The following EYS variants were observed in gnomAD, a reference collection of about 807,000 sequenced individuals.
EYS encodes the protein EGF-like photoreceptor maintenance factor.
A neutral mutation model predicts 282.1 loss-of-function variants in EYS; 250 were observed. That is an observed-to-expected ratio of 0.89 (90% confidence interval 0.80 to 0.98). The LOEUF is 0.98. Ranked by LOEUF, EYS falls within the 50% of genes least tolerant of loss-of-function variation. The probability of loss-of-function intolerance (pLI) is 0.00; values close to 1 mark genes in which losing one functional copy is unlikely to be tolerated. For missense variants in EYS, 4,016 were observed against 3,709.0 expected (o/e 1.08, Z -2.15); for synonymous variants, 1,355 against 1,282.9 (o/e 1.06, Z -1.20).
At chr6:63,797,144 C>A (rs901356871) in intron 37 of EYS, 1 of 152,064 alleles carries the variant, frequency 6.6e-6, no homozygotes, top group South Asian at 2.1e-4. Flanking sequence ...AATGATTCTG[C>A]GACAGAGACA....
chr6:64,492,411 T>C (rs960207961), intron 26 of EYS, among the ~76,000 whole-genome samples: 1 of 151,214 alleles, frequency 6.6e-6, no homozygotes, highest in Non-Finnish European at 1.5e-5. Context: ...GATTAAAATA[T>C]GCCCCTTTGC....
intron 5 of EYS, among the ~76,000 whole-genome samples, chr6:65,436,655 A>G (rs1296166166): frequency 6.6e-6 from 1 of 152,240 alleles, no homozygotes; most frequent in Middle Eastern, 3.4e-3. Context: ...CATAGTGACA[A>G]TCTTTCAGAA....
At chr6:65,048,695 G>A (rs1490589531) in intron 13 of EYS, among the ~76,000 whole-genome samples, 1 of 151,844 alleles carries the variant, frequency 6.6e-6, no homozygotes, top group African/African-American at 2.4e-5. Context: ...TATGCTTGAA[G>A]CTCTCCTGAT....
At chr6:64,687,937 CT>C (rs1307000770) in intron 22 of EYS, among the ~76,000 whole-genome samples, 1 of 152,082 alleles carries the variant, frequency 6.6e-6, no homozygotes, top group Non-Finnish European at 1.5e-5. Context: ...TCAACTTCTT[CT>C]TTGTTTAGTC....
At chr6:64,791,035 T>A (rs914407753) in intron 22 of EYS, among the ~76,000 whole-genome samples, 1 of 151,896 alleles carries the variant, frequency 6.6e-6, no homozygotes, top group South Asian at 2.1e-4. Flanking sequence ...AATCTCCTTA[T>A]GCTGTTTCTT....
intron 2 of EYS, among the ~76,000 whole-genome samples, chr6:65,569,690 C>T (rs1350298997): frequency 6.6e-6 from 1 of 152,026 alleles, no homozygotes; most frequent in Non-Finnish European, 1.5e-5. Context: ...TGGTCTCAAC[C>T]CAGGATCTGA....
At chr6:65,450,860 G>C (rs4644028) in intron 5 of EYS, among the ~76,000 whole-genome samples, 28,150 of 151,982 alleles carry the variant, frequency 0.19, 3,250 homozygotes, top group Middle Eastern at 0.3. Flanking sequence ...TTGATGCCTT[G>C]TTAGCTCATC....
intron 22 of EYS, among the ~76,000 whole-genome samples, chr6:64,736,802 A>G (rs1195282648): frequency 6.6e-6 from 1 of 152,222 alleles, no homozygotes; most frequent in African/African-American, 2.4e-5. Context: ...GCAAAATCAG[A>G]TAAGGGAAGC....
At chr6:65,139,226 A>C (rs905552018) in intron 12 of EYS, among the ~76,000 whole-genome samples, 1 of 152,172 alleles carries the variant, frequency 6.6e-6, no homozygotes, top group Non-Finnish European at 1.5e-5. Context: ...TGTGGTACAC[A>C]TACACCATGG....
At chr6:64,640,679 C>T (rs1043269681) in intron 22 of EYS, among the ~76,000 whole-genome samples, 10 of 151,966 alleles carry the variant, frequency 6.6e-5, no homozygotes, top group African/African-American at 2.4e-4. Context: ...TGTAACTAAC[C>T]TGCACATTGT....
chr6:65,418,044 G>A (rs565111515), intron 5 of EYS, among the ~76,000 whole-genome samples: 21 of 152,108 alleles, frequency 1.4e-4, no homozygotes, highest in Non-Finnish European at 2.5e-4. Flanking sequence ...ATTATGATAT[G>A]AGAATGGTGT....
Position 63,848,767 on chromosome 6 carries a change from G to A in EYS, c.7228+15419C>T, listed in dbSNP as rs577834384. Reference sequence around the variant, plus strand: ...ACAAAACTGGGCAGCTGTTTGGGCAGACACTGATCTAGATGCAGGAGTTAG... The same window carrying A: ...ACAAAACTGGGCAGCTGTTTGGGCAAACACTGATCTAGATGCAGGAGTTAG... On this transcript the variant is annotated intron_variant, in intron 36 of 42. Coordinates refer to ENST00000503581, the MANE Select transcript of EYS (RefSeq NM_001142800.2). Among the ~76,000 whole-genome samples the A allele has an allele frequency of 3.3e-5, 5 of 152,292 alleles. No individual in the cohort carries two copies. In the South Asian group the frequency reaches 1.0e-3, roughly 32 times the overall value.
chr6:65,078,456 C>T (rs995168149), intron 12 of EYS, among the ~76,000 whole-genome samples: 9 of 151,920 alleles, frequency 5.9e-5, no homozygotes, highest in East Asian at 3.9e-4. Flanking sequence ...AAGAAAAATG[C>T]TTTTTAAATT....
chr6:63,943,231 G>A (rs919267565), intron 35 of EYS, among the ~76,000 whole-genome samples: 1 of 152,148 alleles, frequency 6.6e-6, no homozygotes, highest in Non-Finnish European at 1.5e-5. Context: ...ACAATAGAAA[G>A]ACAAGACTCT....
intron 29 of EYS, among the ~76,000 whole-genome samples, chr6:64,367,688 C>G (rs1433398636): frequency 6.6e-6 from 1 of 151,902 alleles, no homozygotes; most frequent in Non-Finnish European, 1.5e-5. Context: ...ATAATGTATT[C>G]TATATTGCAT....
intron 31 of EYS, among the ~76,000 whole-genome samples, chr6:64,165,096 T>C (rs1228535819): frequency 1.3e-5 from 2 of 152,126 alleles, no homozygotes; most frequent in African/African-American, 4.8e-5. Flanking sequence ...ATTATGTTAA[T>C]GGCTGACTAT....
intron 12 of EYS, among the ~76,000 whole-genome samples, chr6:65,220,739 G>A (rs1319423353): frequency 2.0e-5 from 3 of 152,132 alleles, no homozygotes; most frequent in Non-Finnish European, 1.5e-5. Context: ...CAGTTTGGAG[G>A]GTTCAGAGGA....
chr6:65,558,084 T>C (rs1255547140), intron 2 of EYS, among the ~76,000 whole-genome samples: 2 of 152,168 alleles, frequency 1.3e-5, no homozygotes, highest in Admixed American at 1.3e-4. Context: ...GGCTGTCCAT[T>C]GCTCTTGCTT....
intron 28 of EYS, among the ~76,000 whole-genome samples, chr6:64,422,190 T>C (rs373406731): frequency 6.6e-6 from 1 of 152,096 alleles, no homozygotes. Flanking sequence ...TAGACTTTTT[T>C]TTTCTAATAA....
Sources: allele counts gnomAD v4.1 joint callset (sites outside exome capture counted in the v4.1 genomes callset), GRCh38; gene constraint gnomAD v4.1.1; transcripts MANE v1.5; gene names NCBI Gene and HGNC (gene_info 2026-07-23, HGNC 2026-07-21).